The following CDH19 variants were observed in gnomAD, a reference collection of about 807,000 sequenced individuals.
The protein encoded by CDH19 is cadherin 19.
CDH19 carries 67 observed loss-of-function variants against 64.2 expected under a neutral mutation model. The ratio of observed to expected loss-of-function variants is 1.04; its 90% CI spans 0.86 to 1.28. CDH19 has a LOEUF of 1.28. CDH19 is among the 50% of genes most tolerant of loss of function. The pLI, the probability that CDH19 is intolerant of heterozygous loss-of-function variation, is 0.00. For synonymous variants in CDH19, 346 were observed against 319.3 expected (o/e 1.08, Z -0.89); for missense variants, 1,030 against 929.0 (o/e 1.11, Z -1.41).
At chr18:66,573,146 A>G (rs1287119934) in intron 1 of CDH19, among the ~76,000 whole-genome samples, 1 of 151,688 alleles carries the variant, frequency 6.6e-6, no homozygotes, top group Non-Finnish European at 1.5e-5. Context: ...CCTTATATGT[A>G]ACTTAATAGT....
At chr18:66,586,461 G>A (rs1988581238) in intron 1 of CDH19, among the ~76,000 whole-genome samples, 1 of 151,838 alleles carries the variant, frequency 6.6e-6, no homozygotes. Context: ...TGGCTCTGGG[G>A]GACTGGAGTG....
rs1421023144 is a variant in CDH19 at position 66,572,122 on chromosome 18, G to GT, written c.82dup (p.Thr28AsnfsTer33). 1 of 1,611,308 alleles carries GT rather than the reference G, an allele frequency of 6.2e-7. No homozygotes were observed. The highest frequency in any genetic ancestry group is 1.3e-5 in the African/African-American group (1 of 74,802). On this transcript the variant is annotated frameshift_variant, in exon 2 of 12. Coordinates refer to ENST00000262150, the MANE Select transcript of CDH19 (RefSeq NM_021153.4). LOFTEE classifies it high-confidence loss of function. Reference sequence around the variant, plus strand: ...TCGCACTGGCTGCTTGACTTTCTTTGTTTGAGAGTTTTCTGTTGCTCCAAG... The same window carrying GT: ...TCGCACTGGCTGCTTGACTTTCTTTGTTTTGAGAGTTTTCTGTTGCTCCAAG...
At chr18:66,580,575 T>G (rs1353427586) in intron 1 of CDH19, among the ~76,000 whole-genome samples, 2 of 152,072 alleles carry the variant, frequency 1.3e-5, no homozygotes, top group East Asian at 3.9e-4. Context: ...TTCTGCAAGA[T>G]TCTCCTTCCT....
intron 4 of CDH19, 23 bp from the exon 5 acceptor site, chr18:66,551,281 C>T: frequency 1.7e-6 from 2 of 1,153,238 alleles, no homozygotes; most frequent in South Asian, 1.3e-5. Flanking sequence ...AATAAAATTC[C>T]AATTATTTCA....
intron 3 of CDH19, among the ~76,000 whole-genome samples, chr18:66,558,266 CT>C (rs1324960269): frequency 6.6e-6 from 1 of 150,470 alleles, no homozygotes; most frequent in African/African-American, 2.4e-5. Flanking sequence ...TTATTCATGC[CT>C]TGGAAATGTT....
intron 5 of CDH19, among the ~76,000 whole-genome samples, chr18:66,549,614 C>T (rs1007391090): frequency 1.9e-4 from 29 of 152,070 alleles, no homozygotes; most frequent in African/African-American, 7.0e-4. Flanking sequence ...GTTTTCTCAA[C>T]CCATATAACA....
At chr18:66,518,862 T>A (rs867557700) in intron 9 of CDH19, among the ~76,000 whole-genome samples, 1 of 142,426 alleles carries the variant, frequency 7.0e-6, no homozygotes, top group South Asian at 2.1e-4. Flanking sequence ...CATTCCAGTC[T>A]AATGACTTTT....
intron 1 of CDH19, among the ~76,000 whole-genome samples, chr18:66,577,118 G>T (rs1482668923): frequency 6.6e-6 from 1 of 151,508 alleles, no homozygotes; most frequent in African/African-American, 2.4e-5. Context: ...ACTCAAAATG[G>T]TTAAAAATGT....
chr18:66,599,183 C>G (rs528337074), intron 1 of CDH19, among the ~76,000 whole-genome samples: 2 of 152,070 alleles, frequency 1.3e-5, no homozygotes, highest in Non-Finnish European at 2.9e-5. Context: ...CAACATAAAA[C>G]GTGGTGCCAG....
intron 9 of CDH19, among the ~76,000 whole-genome samples, chr18:66,529,319 G>T: frequency 6.7e-6 from 1 of 149,188 alleles, no homozygotes; most frequent in Admixed American, 6.7e-5. Context: ...ACCTTTACCT[G>T]CATGATGAAT....
At chr18:66,574,700 G>A (rs1039763866) in intron 1 of CDH19, among the ~76,000 whole-genome samples, 1 of 151,534 alleles carries the variant, frequency 6.6e-6, no homozygotes, top group African/African-American at 2.4e-5. Flanking sequence ...CAAAACTTAA[G>A]CACAGGTGTT....
chr18:66,588,535 C>T (rs975473389), intron 1 of CDH19, among the ~76,000 whole-genome samples: 2 of 150,206 alleles, frequency 1.3e-5, no homozygotes, highest in Admixed American at 1.3e-4. Flanking sequence ...TAACCCATCA[C>T]CACAACTGCC....
At chr18:66,579,293 A>C (rs565814610) in intron 1 of CDH19, among the ~76,000 whole-genome samples, 1 of 152,154 alleles carries the variant, frequency 6.6e-6, no homozygotes, top group Non-Finnish European at 1.5e-5. Flanking sequence ...ATTTTACCAA[A>C]AAAAGTTGAA....
At position 66,587,569 on chromosome 18, in the gene CDH19, G is replaced by A. The variant is rs180997588; in HGVS notation, c.-112-15253C>T. Among the ~76,000 whole-genome samples the A allele has an allele frequency of 1.9e-3, 282 of 152,190 alleles. 2 individuals carry two copies. Among genetic ancestry groups the A allele is most frequent in the African/African-American group, 6.3e-3 (261 of 41,550 alleles). Reference sequence around the variant, plus strand: ...CAATATGTCTCTTGCAATTGCACAAGGTTACATGACTGGTTTTACTAACAA... The same window carrying A: ...CAATATGTCTCTTGCAATTGCACAAAGTTACATGACTGGTTTTACTAACAA... On this transcript the variant is annotated intron_variant, in intron 1 of 11. Transcript: ENST00000262150.
chr18:66,589,719 C>T lies in CDH19; in HGVS notation c.-113+14235G>A, dbSNP rs887655895. On this transcript the variant is annotated intron_variant, in intron 1 of 11. Transcript: ENST00000262150. ...CATGATTTTATAAAACACAATCCTTCGTGAATGGAAAAAGAAAACTAAAGT... is the reference window on the plus strand; with the variant it reads ...CATGATTTTATAAAACACAATCCTTTGTGAATGGAAAAAGAAAACTAAAGT... Among the ~76,000 whole-genome samples the T allele has an allele frequency of 4.6e-5, 7 of 151,518 alleles. No individual in the cohort carries two copies. The South Asian group carries it at 8.3e-4, about 18-fold the overall frequency.
intron 5 of CDH19, among the ~76,000 whole-genome samples, chr18:66,547,665 T>TAAATGTGTAATATA (rs1568191355): frequency 7.5e-6 from 1 of 133,578 alleles, no homozygotes; most frequent in African/African-American, 2.9e-5. Context: ...TGTTAGGTTT[T>TAAATGTGTAATATA]TTTTTTTTTT....
At position 66,544,861 on chromosome 18, in the gene CDH19, G is replaced by C; in HGVS notation, c.818C>G (p.Thr273Ser). The C allele has an allele frequency of 6.2e-7, 1 of 1,611,826 alleles. No individual in the cohort carries two copies. The highest frequency in any genetic ancestry group is 8.5e-7 in the Non-Finnish European group (1 of 1,178,990). ...LTVSESAPTG[T>S]SIGTIMAYDN... The stretch of plus-strand genomic sequence containing the variant: ...ATATGCCATGATTGTTCCTATAGAA[G>C]TCCCAGTGGGTGCAGATTCAGAGAC... The change falls in exon 6 of 12, where the codon ACT becomes AGT. Residue 273 changes from threonine (T) to serine (S), a missense_variant. By Grantham distance (58) the Thr-to-Ser change is moderately conservative (BLOSUM62 1). Coordinates refer to ENST00000262150, the MANE Select transcript of CDH19 (RefSeq NM_021153.4).
chr18:66,568,627 A>T lies in CDH19; in HGVS notation c.279T>A (p.Asp93Glu). The change falls in exon 3 of 12, where the codon GAT (aspartate) becomes GAA (glutamate). Residue 93 changes from aspartate to glutamate, a missense_variant. Physicochemically the swap from Asp to Glu is conservative, Grantham distance 45 (BLOSUM62 2). Coordinates refer to ENST00000262150, the MANE Select transcript of CDH19 (RefSeq NM_021153.4). The part of the protein sequence containing the change: ...GAGAGSTFII[D>E]ERTGDIYAIQ... ...TGGCATATATGTCACCTGTTCTTTC[A>T]TCAATGATAAAAGTACTTCCAGCTC... The T allele has an allele frequency of 2.5e-6, 4 of 1,611,820 alleles. No homozygotes were observed. The highest frequency in any genetic ancestry group is 3.4e-6 in the Non-Finnish European group (4 of 1,178,660).
intron 8 of CDH19, chr18:66,532,700 G>A (rs774552110): frequency 6.7e-6 from 3 of 449,826 alleles, no homozygotes; most frequent in South Asian, 4.8e-5. Flanking sequence ...AAGGAATACA[G>A]CATCCCTATA....
Sources: gnomAD v4.1 joint callset for allele counts (sites outside exome capture counted in the v4.1 genomes callset) on GRCh38, gnomAD v4.1.1 for gene constraint, MANE v1.5 for transcripts, NCBI Gene and HGNC (gene_info 2026-07-23, HGNC 2026-07-21) for gene names.